EPS8L3: variants seen among roughly 807,000 people sequenced by gnomAD.
The protein encoded by EPS8L3 is epidermal growth factor receptor kinase substrate 8-like protein 3.
Under a neutral mutation model 88.5 loss-of-function variants are expected in EPS8L3, and 80 were observed. That is an observed-to-expected ratio of 0.90 (90% CI 0.75 to 1.09). The LOEUF is 1.09. EPS8L3 is among the 50% of genes least tolerant of loss of function. EPS8L3 has a pLI of 0.00. For missense variants in EPS8L3, 721 were observed against 735.2 expected, an observed-to-expected ratio of 0.98 and a Z score of 0.22; for synonymous variants, 286 against 291.0, an observed-to-expected ratio of 0.98 and a Z score of 0.18.
intron 6 of EPS8L3, 98 bp from the exon 7 acceptor site, chr1:109,758,761 C>T (rs1262058183): frequency 6.9e-7 from 1 of 1,441,516 alleles, no homozygotes; most frequent in Non-Finnish European, 9.3e-7. Flanking sequence ...ACCACCACCT[C>T]TCTCCAGGAG....
intron 11 of EPS8L3, 87 bp from the exon 12 acceptor site, chr1:109,757,252 A>G: frequency 1.4e-6 from 2 of 1,435,218 alleles, no homozygotes; most frequent in Non-Finnish European, 1.9e-6. Context: ...CTGGCTTCCC[A>G]CTTTTGCAAT....
In EPS8L3 at chr1:109,753,195, G is replaced by A. The variant is rs757455615; in HGVS notation, c.1122C>T (p.Ala374=). The change falls in exon 13 of 19, where the codon GCC becomes GCT. Residue 374 remains alanine, a synonymous_variant. Coordinates refer to ENST00000361965, the MANE Select transcript of EPS8L3 (RefSeq NM_133181.4). The part of the protein sequence containing the change: ...GLGPAWTTSR[A]DWTGDEPLPY... ...GCAGGGGCTCATCGCCTGTCCAGTC[G>A]GCCCTGAAGAGGGAAACAAAGCTGA... The A allele has an allele frequency of 5.0e-6, 8 of 1,604,140 alleles. No individual in the cohort carries two copies. The highest frequency in any genetic ancestry group is 3.4e-5 in the Admixed American group (2 of 58,272).
chr1:109,750,844 C>A, intron 17 of EPS8L3, 52 bp from the exon 18 acceptor site: 1 of 1,607,676 alleles, frequency 6.2e-7, no homozygotes, highest in Non-Finnish European at 8.5e-7. Context: ...GGACCCTGGG[C>A]CTGAGCGTTT....
chr1:109,759,009 C>CCAGCT lies in EPS8L3; in HGVS notation c.461+52_461+53insAGCTG. The CCAGCT allele has an allele frequency of 1.3e-6, 2 of 1,543,398 alleles. No homozygotes were observed. The highest frequency in any genetic ancestry group is 1.8e-6 in the Non-Finnish European group (2 of 1,137,264). On this transcript the variant is annotated intron_variant, in intron 6 of 18. Coordinates refer to ENST00000361965, the MANE Select transcript of EPS8L3 (RefSeq NM_133181.4). The surrounding 1 kb of genome is among the most constrained non-coding windows in gnomAD (Gnocchi z 4.2). ...CCAAGATATGGGGTCAGGGTCTGGC[C>CCAGCT]CCCGAGGCTGAGCTGGGAGGCCCCA...
intron 17 of EPS8L3, 152 bp downstream of exon 17, chr1:109,751,126 C>G: frequency 1.4e-6 from 1 of 689,890 alleles, no homozygotes; most frequent in South Asian, 1.9e-5. Context: ...GGCTTGGACA[C>G]GCCTCTGCTC....
At position 109,757,882 on chromosome 1, in the gene EPS8L3, A is replaced by T. The variant is rs10776700; in HGVS notation, c.833-19T>A. The T allele has an allele frequency of 6.2e-7, 1 of 1,614,136 alleles. No individual in the cohort carries two copies. Among genetic ancestry groups the T allele is most frequent in the Non-Finnish European group, 8.5e-7 (1 of 1,180,000 alleles). ...GTGAGACCTGGGAGAAGGGGCCAAG[A>T]CGGTGGGCCAGAGATCACCCTGAGA... On this transcript the variant is annotated intron_variant, in intron 9 of 18. Coordinates refer to ENST00000361965, the MANE Select transcript of EPS8L3 (RefSeq NM_133181.4).
intron 12 of EPS8L3, among the ~76,000 whole-genome samples, chr1:109,754,959 A>G (rs1245792911): frequency 1.3e-5 from 2 of 152,268 alleles, no homozygotes; most frequent in East Asian, 3.8e-4. Context: ...CAGACAGTGC[A>G]TAAAAATAGA....
At chr1:109,755,253 T>G (rs1650173055) in intron 12 of EPS8L3, among the ~76,000 whole-genome samples, 1 of 152,148 alleles carries the variant, frequency 6.6e-6, no homozygotes, top group Non-Finnish European at 1.5e-5. Flanking sequence ...AATGGGGAAT[T>G]ATTGTTTAAT....
At chr1:109,755,717 G>A (rs535901950) in intron 12 of EPS8L3, among the ~76,000 whole-genome samples, 1 of 152,314 alleles carries the variant, frequency 6.6e-6, no homozygotes, top group East Asian at 1.9e-4. Flanking sequence ...TATTCGAGAA[G>A]GTGAGGTAGG....
rs532767353 is a variant in EPS8L3 at position 109,763,561 on chromosome 1, G to A, written c.-25+261C>T. 9.7e-4 allele frequency among the ~76,000 whole-genome samples: 147 copies of A among 152,284 alleles called. 1 individual carries two copies. Among genetic ancestry groups the A allele is most frequent in the Admixed American group, 6.3e-3 (97 of 15,306 alleles). ...CCCCCTTTAAGCCCTAGATGTAGGG[G>A]TTTGGAGCAGGGAAGGCCATCACCT... On this transcript the variant is annotated intron_variant, in intron 1 of 18. Coordinates refer to ENST00000361965, the MANE Select transcript of EPS8L3 (RefSeq NM_133181.4).
In EPS8L3 at chr1:109,751,774, G is replaced by A. The variant is rs34301364; in HGVS notation, c.1443C>T (p.Asp481=). ...TCACCAGCCACCACCGCTTGCTGTG[G>A]TCCAGAACCTGCCAAGAGTCACCAC... ...VVQGEKLEVL[D]HSKRWWLVKN... is the part of the protein sequence containing the mutation. Residue 481 remains aspartate, a synonymous_variant, in exon 16 of 19, where the codon GAC becomes GAT. Transcript: ENST00000361965. 6.5e-4 allele frequency: 1,054 copies of A among 1,613,482 alleles called. 8 individuals are homozygous for A. In the African/African-American group the frequency reaches 0.013, roughly 19 times the overall value.
rs780261440 is a variant in EPS8L3, at chr1:109,759,152, T to A, written c.406-35A>T. On this transcript the variant is annotated intron_variant, in intron 5 of 18. Coordinates refer to ENST00000361965, the MANE Select transcript of EPS8L3 (RefSeq NM_133181.4). This position sits in a 1 kb window ranked among gnomAD's most constrained non-coding sequence, Gnocchi z 4.2. The stretch of plus-strand genomic sequence containing the variant: ...AGCAGTCAGGCAGGCTAAGTGTGTG[T>A]GTGTGTGTGTGTGTGTGTGTGTGTG... 2.0e-5 allele frequency: 16 copies of A among 798,640 alleles called. No homozygotes were observed. Among genetic ancestry groups the A allele is most frequent in the African/African-American group, 1.0e-4 (2 of 19,482 alleles). 49.5% of individuals were successfully genotyped at this position (798,640 alleles called of 1,614,324 possible).
chr1:109,758,140 C>G, intron 8 of EPS8L3, 82 bp from the exon 9 acceptor site: 1 of 1,366,522 alleles, frequency 7.3e-7, no homozygotes, highest in East Asian at 2.3e-5. Flanking sequence ...GCACCCCTCC[C>G]CACCACAAGC....
intron 12 of EPS8L3, among the ~76,000 whole-genome samples, chr1:109,754,358 T>G (rs1650091963): frequency 6.6e-6 from 1 of 152,232 alleles, no homozygotes; most frequent in South Asian, 2.1e-4. Context: ...TAGCTTTGGG[T>G]CAATTTGCCA....
intron 12 of EPS8L3, among the ~76,000 whole-genome samples, chr1:109,753,436 G>A (rs1270100947): frequency 6.6e-6 from 1 of 152,180 alleles, no homozygotes; most frequent in Non-Finnish European, 1.5e-5. Flanking sequence ...CTGCCCATGA[G>A]GTAAAGATAC....
intron 10 of EPS8L3, 22 bp downstream of exon 10, chr1:109,757,780 G>A: frequency 2.5e-6 from 4 of 1,610,064 alleles, no homozygotes; most frequent in Non-Finnish European, 3.4e-6. Context: ...GAGGCCTGGT[G>A]AACTTGTGGG....
At chr1:109,761,419 G>T in intron 3 of EPS8L3, 76 bp downstream of exon 3, 1 of 1,332,208 alleles carries the variant, frequency 7.5e-7, no homozygotes. Flanking sequence ...AAGTGTCCAT[G>T]TTCTGGCAGG....
At chr1:109,754,477 G>A (rs1280082587) in intron 12 of EPS8L3, among the ~76,000 whole-genome samples, 1 of 151,810 alleles carries the variant, frequency 6.6e-6, no homozygotes, top group Non-Finnish European at 1.5e-5. Context: ...TTTATTTCTG[G>A]TTATGTTAAG....
chr1:109,752,220 A>G, intron 14 of EPS8L3, 27 bp from the exon 15 acceptor site: 3 of 1,592,674 alleles, frequency 1.9e-6, no homozygotes, highest in Non-Finnish European at 2.6e-6. Flanking sequence ...GGATGGCTGG[A>G]GAATGGGGCC....
Sources: allele counts gnomAD v4.1 joint callset (sites outside exome capture counted in the v4.1 genomes callset), GRCh38; gene constraint gnomAD v4.1.1; non-coding constraint Gnocchi (gnomAD v3.1); transcripts MANE v1.5; gene names NCBI Gene and HGNC (gene_info 2026-07-23, HGNC 2026-07-21).